The following UNC5C variants were observed in gnomAD, a reference collection of about 807,000 sequenced individuals.
UNC5C encodes the protein unc-5 netrin receptor C.
Under a neutral mutation model 99.8 loss-of-function variants are expected in UNC5C, and 47 were observed. The ratio of observed to expected loss-of-function variants is 0.47; its 90% CI spans 0.37 to 0.60. The LOEUF is 0.60. UNC5C is among the 20% of genes least tolerant of loss of function. UNC5C has a pLI of 0.00. For synonymous variants in UNC5C, 487 were observed against 452.2 expected, an observed-to-expected ratio of 1.08 and a Z score of -0.98; for missense variants, 1,062 against 1,165.9, an observed-to-expected ratio of 0.91 and a Z score of 1.30.
chr4:95,377,771 C>A (rs150029354), intron 1 of UNC5C, among the ~76,000 whole-genome samples: 2 of 152,212 alleles, frequency 1.3e-5, no homozygotes, highest in South Asian at 2.1e-4. Flanking sequence ...TCTGTGTTCA[C>A]GCCCTACAGT....
At chr4:95,465,332 A>G (rs1469042150) in intron 1 of UNC5C, among the ~76,000 whole-genome samples, 4 of 152,166 alleles carry the variant, frequency 2.6e-5, no homozygotes, top group African/African-American at 9.6e-5. Flanking sequence ...AAGAAGTGCA[A>G]TCATCAAAAC....
intron 1 of UNC5C, among the ~76,000 whole-genome samples, chr4:95,502,096 T>C (rs998961600): frequency 3.9e-5 from 6 of 152,146 alleles, no homozygotes; most frequent in Admixed American, 2.0e-4. Flanking sequence ...GCTGTGTTCT[T>C]ACTTCATTAC....
At position 95,341,545 on chromosome 4, in the gene UNC5C, G is replaced by C. The variant is rs1213554912; in HGVS notation, c.125-5914C>G. On this transcript the variant is annotated intron_variant, in intron 1 of 15. Transcript: ENST00000453304. ...AGAAAGAAAAAAAGAAAAGAAAAAAGAAAAAGAAAGAAAGGAGGGAGGGAG... is the reference window on the plus strand; with the variant it reads ...AGAAAGAAAAAAAGAAAAGAAAAAACAAAAAGAAAGAAAGGAGGGAGGGAG... 2.0e-5 allele frequency among the ~76,000 whole-genome samples: 3 copies of C among 150,814 alleles called. No homozygotes were observed. The Admixed American group carries it at 2.0e-4, about 10-fold the overall frequency.
At chr4:95,428,692 AC>A (rs2149459408) in intron 1 of UNC5C, among the ~76,000 whole-genome samples, 1 of 152,264 alleles carries the variant, frequency 6.6e-6, no homozygotes, top group African/African-American at 2.4e-5. Flanking sequence ...CTTTAAGAAT[AC>A]CAAGAAACAA....
chr4:95,266,083 A>G (rs1740437448), intron 4 of UNC5C, among the ~76,000 whole-genome samples: 1 of 152,180 alleles, frequency 6.6e-6, no homozygotes, highest in South Asian at 2.1e-4. Context: ...AATTCATAAT[A>G]CCAAATTAAT....
chr4:95,546,669 A>ATC (rs1209877359), intron 1 of UNC5C, among the ~76,000 whole-genome samples: 11 of 152,336 alleles, frequency 7.2e-5, no homozygotes, highest in African/African-American at 2.6e-4. Context: ...TCAGTCCCCA[A>ATC]TCTTTAACTT....
intron 3 of UNC5C, among the ~76,000 whole-genome samples, chr4:95,298,292 C>A (rs1741737829): frequency 6.6e-6 from 1 of 152,156 alleles, no homozygotes; most frequent in African/African-American, 2.4e-5. Context: ...AGCCTGGTGA[C>A]AGAATGAGAC....
At chr4:95,404,290 T>A (rs1300279156) in intron 1 of UNC5C, among the ~76,000 whole-genome samples, 1 of 151,944 alleles carries the variant, frequency 6.6e-6, no homozygotes, top group Non-Finnish European at 1.5e-5. Context: ...TAGCCCTGAG[T>A]TATTTTGATT....
chr4:95,326,029 C>T (rs1319355922), intron 2 of UNC5C, among the ~76,000 whole-genome samples: 1 of 152,102 alleles, frequency 6.6e-6, no homozygotes, highest in Non-Finnish European at 1.5e-5. Context: ...AAGCAGAGAG[C>T]TCTGGGTTCA....
intron 1 of UNC5C, among the ~76,000 whole-genome samples, chr4:95,441,929 C>T (rs534463176): frequency 2.4e-4 from 37 of 152,220 alleles, no homozygotes; most frequent in East Asian, 1.5e-3. Context: ...AAGATTAACA[C>T]GCTAAGCAGG....
intron 2 of UNC5C, among the ~76,000 whole-genome samples, chr4:95,313,595 G>T (rs138310240): frequency 6.6e-6 from 1 of 152,188 alleles, no homozygotes; most frequent in East Asian, 1.9e-4. Context: ...CTTTCATTTT[G>T]CATTTATTCC....
intron 1 of UNC5C, among the ~76,000 whole-genome samples, chr4:95,343,085 G>A (rs533678523): frequency 6.6e-6 from 1 of 152,214 alleles, no homozygotes; most frequent in Non-Finnish European, 1.5e-5. Flanking sequence ...ACAGGGCTGG[G>A]GGCAACTTGC....
intron 4 of UNC5C, 31 bp from the exon 5 acceptor site, chr4:95,250,698 C>A: frequency 6.2e-7 from 1 of 1,603,394 alleles, no homozygotes; most frequent in Non-Finnish European, 8.5e-7. Flanking sequence ...TAGATAAATC[C>A]TCAGCATGGA....
At chr4:95,284,616 T>C (rs552382540) in intron 3 of UNC5C, among the ~76,000 whole-genome samples, 1 of 152,286 alleles carries the variant, frequency 6.6e-6, no homozygotes, top group Admixed American at 6.5e-5. Flanking sequence ...AGAAATTTGG[T>C]ATTTAAAAAA....
chr4:95,510,943 C>G (rs1037582155), intron 1 of UNC5C, among the ~76,000 whole-genome samples: 3 of 152,112 alleles, frequency 2.0e-5, no homozygotes, highest in African/African-American at 7.2e-5. Flanking sequence ...CAATTAAAGT[C>G]TTCTTCAGGT....
At chr4:95,216,366 TC>T (rs1336371729) in intron 9 of UNC5C, among the ~76,000 whole-genome samples, 155 bp from the exon 10 acceptor site, 1 of 152,194 alleles carries the variant, frequency 6.6e-6, no homozygotes, top group Non-Finnish European at 1.5e-5. Context: ...CTCATTGGCC[TC>T]CTTACCACGG....
intron 1 of UNC5C, among the ~76,000 whole-genome samples, chr4:95,410,197 T>G (rs779258333): frequency 1.3e-5 from 2 of 152,138 alleles, no homozygotes; most frequent in Admixed American, 6.5e-5. Flanking sequence ...TTCAGAGAAG[T>G]TAGGCACTGT....
intron 1 of UNC5C, among the ~76,000 whole-genome samples, chr4:95,463,226 C>T (rs265031): frequency 0.11 from 16,944 of 152,092 alleles, 1,226 homozygotes; most frequent in East Asian, 0.36. Context: ...CACCCGCAGA[C>T]GGGTGGCTGC....
intron 1 of UNC5C, among the ~76,000 whole-genome samples, chr4:95,471,261 A>G (rs1045186146): frequency 2.6e-5 from 4 of 152,144 alleles, no homozygotes; most frequent in Non-Finnish European, 5.9e-5. Flanking sequence ...ATATTACGCT[A>G]AAAGCATAAC....
Sources: gnomAD v4.1 joint callset for allele counts (sites outside exome capture counted in the v4.1 genomes callset) on GRCh38, gnomAD v4.1.1 for gene constraint, MANE v1.5 for transcripts, NCBI Gene and HGNC (gene_info 2026-07-23, HGNC 2026-07-21) for gene names.